The following IRAK3 variants were observed in gnomAD, a reference collection of about 807,000 sequenced individuals.
IRAK3 encodes the protein interleukin 1 receptor associated kinase 3.
IRAK3 carries 57 observed loss-of-function variants against 56.6 expected under a neutral mutation model. That is an observed-to-expected ratio of 1.01 (90% confidence interval 0.81 to 1.26). The LOEUF is 1.26. IRAK3 is among the 50% of genes most tolerant of loss of function. The pLI is 0.00. For missense variants in IRAK3, 703 were observed against 719.0 expected (o/e 0.98, Z 0.25); for synonymous variants, 258 against 255.7 (o/e 1.01, Z -0.09).
At chr12:66,214,335 C>T (rs2052643808) in intron 5 of IRAK3, among the ~76,000 whole-genome samples, 1 of 151,064 alleles carries the variant, frequency 6.6e-6, no homozygotes. Context: ...ACCAGACTGG[C>T]CAACATGGTG....
At chr12:66,217,121 C>G (rs1182738914) in intron 5 of IRAK3, 50 bp from the exon 6 acceptor site, 2 of 1,367,276 alleles carry the variant, frequency 1.5e-6, no homozygotes, top group Admixed American at 3.4e-5. Flanking sequence ...TTAAGAATCC[C>G]AGAAACAGAT....
intron 1 of IRAK3, among the ~76,000 whole-genome samples, chr12:66,191,426 T>A (rs756230928): frequency 6.6e-6 from 1 of 152,244 alleles, no homozygotes. Flanking sequence ...TTTCTTGGAC[T>A]GGTTGATGTA....
At chr12:66,220,621 C>T (rs377442531) in intron 6 of IRAK3, among the ~76,000 whole-genome samples, 22 of 140,876 alleles carry the variant, frequency 1.6e-4, no homozygotes, top group Admixed American at 4.6e-4. Context: ...CCCGGGTTCA[C>T]GCCATTCTCC....
intron 2 of IRAK3, among the ~76,000 whole-genome samples, chr12:66,204,746 T>C (rs1209378110): frequency 6.6e-6 from 1 of 151,398 alleles, no homozygotes; most frequent in Non-Finnish European, 1.5e-5. Context: ...ACATGTTCTT[T>C]GGTAATATAT....
In IRAK3 at chr12:66,189,560, G is replaced by C. The variant is rs908575434; in HGVS notation, c.133+128G>C. 1.3e-5 allele frequency: 7 copies of C among 531,700 alleles called. No homozygotes were observed. In the Admixed American group the frequency reaches 1.7e-4, roughly 13 times the overall value. The allele number at this position is 531,700 out of a possible 1,614,324, so 32.9% of individuals were successfully genotyped here. On this transcript the variant is annotated intron_variant, in intron 1 of 11. Coordinates refer to ENST00000261233, the MANE Select transcript of IRAK3 (RefSeq NM_007199.3). ...CGGCCTCCGGGAAGTTCCCGCCAGG[G>C]AGCCGGCCCCCTCCTTTCCTGGGTT...
At chr12:66,189,545 G>GAA in intron 1 of IRAK3, 113 bp downstream of exon 1, 2 of 728,940 alleles carry the variant, frequency 2.7e-6, no homozygotes, top group Non-Finnish European at 3.5e-6. Context: ...CGGCCTCCGG[G>GAA]AAGTTCCCGC....
chr12:66,227,527 C>T (rs553238135), intron 7 of IRAK3, among the ~76,000 whole-genome samples: 1 of 151,814 alleles, frequency 6.6e-6, no homozygotes, highest in Non-Finnish European at 1.5e-5. Flanking sequence ...TGCAGTGAGC[C>T]GAGATTGCAC....
intron 6 of IRAK3, among the ~76,000 whole-genome samples, chr12:66,218,135 A>G (rs980732987): frequency 6.6e-6 from 1 of 152,206 alleles, no homozygotes; most frequent in African/African-American, 2.4e-5. Context: ...GATCTTTCCA[A>G]AGTAACAGTA....
intron 1 of IRAK3, among the ~76,000 whole-genome samples, chr12:66,192,396 A>G (rs573075200): frequency 6.6e-6 from 1 of 152,328 alleles, no homozygotes. Context: ...CCCAAATGAA[A>G]TATGTTGTTT....
chr12:66,219,942 A>G (rs986895042), intron 6 of IRAK3, among the ~76,000 whole-genome samples: 1 of 152,168 alleles, frequency 6.6e-6, no homozygotes, highest in Admixed American at 6.5e-5. Context: ...ACTATTTTGT[A>G]TCTTAACACC....
chr12:66,198,944 G>A (rs1386254076), intron 1 of IRAK3, among the ~76,000 whole-genome samples: 1 of 151,840 alleles, frequency 6.6e-6, no homozygotes, highest in Non-Finnish European at 1.5e-5. Flanking sequence ...TTTTTTTAGA[G>A]ATGGGGTTTT....
At chr12:66,226,557 A>G (rs545792743) in intron 6 of IRAK3, among the ~76,000 whole-genome samples, 166 bp from the exon 7 acceptor site, 22 of 152,316 alleles carry the variant, frequency 1.4e-4, no homozygotes, top group African/African-American at 5.1e-4. Flanking sequence ...AACTCTTTAG[A>G]CCAATTTGGA....
Position 66,253,083 on chromosome 12 carries a change from G to C in IRAK3, c.*4912G>C, listed in dbSNP as rs1249245328. ...TCCCTAATGGCTGGCACAGTACCTG[G>C]TGCATAATATGGTTCAACAAATATT... On this transcript the variant is annotated 3_prime_UTR_variant, in exon 12 of 12. Coordinates refer to ENST00000261233, the MANE Select transcript of IRAK3 (RefSeq NM_007199.3). 1 of 152,186 alleles carries C rather than the reference G, an allele frequency of 6.6e-6. No individual in the cohort carries two copies. Among genetic ancestry groups the C allele is most frequent in the Non-Finnish European group, 1.5e-5 (1 of 68,032 alleles). The allele number at this position is 152,186 out of a possible 1,614,324, so 9.4% of individuals were successfully genotyped here. A position where few individuals can be genotyped will look rare whatever the true frequency, so the allele number is the denominator to read the frequency against.
intron 2 of IRAK3, 101 bp downstream of exon 2, chr12:66,203,994 G>A: frequency 9.4e-7 from 1 of 1,067,934 alleles, no homozygotes. Context: ...CTCATGCTCT[G>A]TGTCAGTGTT....
At chr12:66,219,318 C>T (rs1307795957) in intron 6 of IRAK3, among the ~76,000 whole-genome samples, 1 of 152,174 alleles carries the variant, frequency 6.6e-6, no homozygotes, top group South Asian at 2.1e-4. Flanking sequence ...TATTGAATCA[C>T]GGGGGCAGTT....
rs763497693 is a variant in IRAK3 at position 66,228,237 on chromosome 12, CTGT to C, written c.769-7_769-5del. On this transcript the variant is annotated splice_polypyrimidine_tract_variant and intron_variant, in intron 7 of 11. Coordinates refer to ENST00000261233, the MANE Select transcript of IRAK3 (RefSeq NM_007199.3). Reference sequence around the variant, plus strand: ...TCAGAAAGTGCAACCAAACCAATTGCTGTTGTTGTTTTAGGGTGACACGGCCCC... The same window carrying C: ...TCAGAAAGTGCAACCAAACCAATTGCTGTTGTTTTAGGGTGACACGGCCCC... The C allele has an allele frequency of 8.9e-6, 14 of 1,579,506 alleles. No homozygotes were observed. Among genetic ancestry groups the C allele is most frequent in the East Asian group, 2.2e-5 (1 of 44,754 alleles).
intron 6 of IRAK3, among the ~76,000 whole-genome samples, chr12:66,225,633 A>C (rs939413032): frequency 1.3e-5 from 2 of 152,182 alleles, no homozygotes; most frequent in African/African-American, 4.8e-5. Flanking sequence ...CCGAGTTCAC[A>C]GTATGTGTGA....
chr12:66,211,895 G>A (rs2052616121), intron 5 of IRAK3, among the ~76,000 whole-genome samples: 1 of 152,158 alleles, frequency 6.6e-6, no homozygotes, highest in African/African-American at 2.4e-5. Context: ...TGGATCACTT[G>A]AGGTCAGGAG....
intron 1 of IRAK3, among the ~76,000 whole-genome samples, chr12:66,194,569 G>C (rs61927092): frequency 0.28 from 42,800 of 151,916 alleles, 6,578 homozygotes; most frequent in South Asian, 0.42. Flanking sequence ...GGTTCACGCC[G>C]GTAATCCCAG....
Sources: gnomAD v4.1 joint callset for allele counts (sites outside exome capture counted in the v4.1 genomes callset) on GRCh38, gnomAD v4.1.1 for gene constraint, MANE v1.5 for transcripts, NCBI Gene and HGNC (gene_info 2026-07-23, HGNC 2026-07-21) for gene names.